SDK2: variants seen among roughly 807,000 people sequenced by gnomAD.
The protein encoded by SDK2 is protein sidekick-2.
In SDK2, 105 loss-of-function variants were observed where a neutral mutation model predicts 253.9. That is an observed-to-expected ratio of 0.41 (90% CI 0.35 to 0.49). The LOEUF is 0.49. SDK2 is among the 20% of genes least tolerant of loss of function. The probability of loss-of-function intolerance (pLI) is 0.06; values close to 1 mark genes in which losing one functional copy is unlikely to be tolerated. For missense variants in SDK2, 2,608 were observed against 3,003.0 expected (o/e 0.87, Z 3.07); for synonymous variants, 1,249 against 1,234.9 (o/e 1.01, Z -0.24).
chr17:73,486,673 G>A (rs1355970266), intron 2 of SDK2, among the ~76,000 whole-genome samples: 1 of 151,044 alleles, frequency 6.6e-6, no homozygotes, highest in East Asian at 1.9e-4. Context: ...CCAACAGCCA[G>A]CTCCTGAGGG....
chr17:73,577,625 G>C (rs1309915978), intron 1 of SDK2, among the ~76,000 whole-genome samples: 1 of 152,188 alleles, frequency 6.6e-6, no homozygotes, highest in African/African-American at 2.4e-5. Flanking sequence ...AGAGAGGCAG[G>C]TGCTGTGGGG....
chr17:73,347,586 C>T (rs2062495489), intron 44 of SDK2, among the ~76,000 whole-genome samples: 1 of 152,196 alleles, frequency 6.6e-6, no homozygotes, highest in Non-Finnish European at 1.5e-5. Flanking sequence ...CTGGCACCTC[C>T]TGCACAGCCA....
chr17:73,604,672 T>C (rs1414382493), intron 1 of SDK2, among the ~76,000 whole-genome samples: 1 of 152,214 alleles, frequency 6.6e-6, no homozygotes, highest in East Asian at 1.9e-4. Context: ...AGAGAAAGGA[T>C]AGCATTAGGG....
chr17:73,527,834 G>C (rs753645421), intron 1 of SDK2, among the ~76,000 whole-genome samples: 6 of 152,188 alleles, frequency 3.9e-5, no homozygotes, highest in Non-Finnish European at 7.3e-5. Flanking sequence ...TGTGGAAACT[G>C]TTCCCTGTCC....
At chr17:73,392,491 A>C (rs1444419709) in intron 27 of SDK2, among the ~76,000 whole-genome samples, 1 of 150,796 alleles carries the variant, frequency 6.6e-6, no homozygotes, top group African/African-American at 2.4e-5. Context: ...CTGGTCTTGA[A>C]CTCCTGACCT....
chr17:73,482,562 C>T (rs547191910), intron 2 of SDK2, among the ~76,000 whole-genome samples: 73 of 152,336 alleles, frequency 4.8e-4, no homozygotes, highest in African/African-American at 1.7e-3. Flanking sequence ...AGCTGGGGGC[C>T]GCTATCCCGG....
intron 1 of SDK2, among the ~76,000 whole-genome samples, chr17:73,561,790 C>T (rs1260922065): frequency 6.6e-6 from 1 of 152,162 alleles, no homozygotes; most frequent in Non-Finnish European, 1.5e-5. Context: ...CTGTGTGCAA[C>T]ATATAAAGGA....
At chr17:73,434,259 C>T (rs922208264) in intron 9 of SDK2, among the ~76,000 whole-genome samples, 1 of 152,240 alleles carries the variant, frequency 6.6e-6, no homozygotes, top group Non-Finnish European at 1.5e-5. Context: ...GGACTTCTGC[C>T]ACTTTCTAAG....
At chr17:73,563,379 G>C (rs1009811476) in intron 1 of SDK2, among the ~76,000 whole-genome samples, 3 of 152,190 alleles carry the variant, frequency 2.0e-5, no homozygotes, top group African/African-American at 7.2e-5. Flanking sequence ...TTCAAGGCCA[G>C]CCTGGGCAAC....
intron 44 of SDK2, among the ~76,000 whole-genome samples, chr17:73,347,779 CT>C (rs34322674): frequency 0.46 from 69,299 of 152,014 alleles, 16,056 homozygotes; most frequent in Admixed American, 0.5. Flanking sequence ...CACACAGCCC[CT>C]TCCCCACACA....
intron 36 of SDK2, among the ~76,000 whole-genome samples, chr17:73,373,247 CTTCA>C (rs1372189336): frequency 6.6e-6 from 1 of 152,212 alleles, no homozygotes; most frequent in Non-Finnish European, 1.5e-5. Flanking sequence ...ACCACATTTT[CTTCA>C]TTCATTCATC....
intron 15 of SDK2, among the ~76,000 whole-genome samples, chr17:73,420,199 G>A (rs2063217955): frequency 6.6e-6 from 1 of 152,230 alleles, no homozygotes; most frequent in South Asian, 2.1e-4. Flanking sequence ...GGGATGCTGT[G>A]TTCTGCCTAA....
At chr17:73,491,648 C>T (rs2063807262) in intron 2 of SDK2, among the ~76,000 whole-genome samples, 1 of 152,236 alleles carries the variant, frequency 6.6e-6, no homozygotes, top group Admixed American at 6.5e-5. Flanking sequence ...TCAACGTCTG[C>T]TCAGATCACA....
intron 1 of SDK2, among the ~76,000 whole-genome samples, chr17:73,605,643 T>C (rs1202520773): frequency 6.6e-6 from 1 of 152,186 alleles, no homozygotes; most frequent in African/African-American, 2.4e-5. Context: ...TACCTAATCC[T>C]GGATGAGTTC....
intron 1 of SDK2, among the ~76,000 whole-genome samples, chr17:73,581,882 A>G (rs2145883394): frequency 6.6e-6 from 1 of 152,294 alleles, no homozygotes; most frequent in African/African-American, 2.4e-5. Flanking sequence ...GGTGTGGCCT[A>G]TTTAGGAGGG....
intron 1 of SDK2, among the ~76,000 whole-genome samples, chr17:73,627,788 C>G (rs962984217): frequency 1.3e-5 from 2 of 152,222 alleles, no homozygotes; most frequent in African/African-American, 4.8e-5. Context: ...GTGGCTCACA[C>G]CTGTAATCCC....
chr17:73,368,733 G>T, intron 36 of SDK2, 140 bp from the exon 37 acceptor site: 1 of 727,306 alleles, frequency 1.4e-6, no homozygotes, highest in Non-Finnish European at 2.1e-6. Context: ...TAAGAGGCCG[G>T]GTGCGGTGGC....
In SDK2 at chr17:73,602,229, C is replaced by T. The variant is rs530709971; in HGVS notation, c.64+41796G>A. Among the ~76,000 whole-genome samples, 11 of 152,280 alleles carry T rather than the reference C, an allele frequency of 7.2e-5. No homozygotes were observed. The South Asian group carries it at 2.3e-3, about 32-fold the overall frequency. On this transcript the variant is annotated intron_variant, in intron 1 of 44. Transcript: ENST00000392650. ...GAGGCTGGAGTTGAGATCCCCACTC[C>T]CACTCCATGAATCCTCTGTGAGGCC...
intron 40 of SDK2, among the ~76,000 whole-genome samples, chr17:73,353,047 C>T (rs909665139): frequency 3.3e-5 from 5 of 151,796 alleles, no homozygotes; most frequent in African/African-American, 9.7e-5. Flanking sequence ...GCTGAGATCA[C>T]GCCACTGCAT....
Sources: allele counts gnomAD v4.1 joint callset (sites outside exome capture counted in the v4.1 genomes callset), GRCh38; gene constraint gnomAD v4.1.1; transcripts MANE v1.5; gene names NCBI Gene and HGNC (gene_info 2026-07-23, HGNC 2026-07-21).